SLC4A5: variants seen among roughly 807,000 people sequenced by gnomAD.
SLC4A5 encodes the protein electrogenic sodium bicarbonate cotransporter 4.
A neutral mutation model predicts 120.4 loss-of-function variants in SLC4A5; 96 were observed. That is an observed-to-expected ratio of 0.80 (90% CI 0.68 to 0.94). The LOEUF is 0.94. Ranked by LOEUF, SLC4A5 falls within the 40% of genes least tolerant of loss-of-function variation. SLC4A5 has a pLI of 0.00. For missense variants in SLC4A5, 1,259 were observed against 1,459.5 expected (o/e 0.86, Z 2.24); for synonymous variants, 550 against 571.1 (o/e 0.96, Z 0.53).
At chr2:74,295,037 C>T (rs1158047114) in intron 7 of SLC4A5, among the ~76,000 whole-genome samples, 2 of 152,050 alleles carry the variant, frequency 1.3e-5, no homozygotes, top group Non-Finnish European at 2.9e-5. Flanking sequence ...TAGTTCAACA[C>T]ATTATGAGTC....
At chr2:74,233,485 G>A in exon 23 of SLC4A5, 1 of 1,614,230 alleles carries the variant, frequency 6.2e-7, no homozygotes, top group Non-Finnish European at 8.5e-7. Flanking sequence ...AGCAGGGCGG[G>A]CAGGATGCTT....
At chr2:74,237,255 C>A (rs529595283) in intron 21 of SLC4A5, among the ~76,000 whole-genome samples, 1 of 152,118 alleles carries the variant, frequency 6.6e-6, no homozygotes, top group East Asian at 1.9e-4. Context: ...GGATTACAGG[C>A]GTGAGCCACT....
chr2:74,234,717 T>G (rs1318526370), intron 22 of SLC4A5, among the ~76,000 whole-genome samples: 1 of 152,208 alleles, frequency 6.6e-6, no homozygotes, highest in Non-Finnish European at 1.5e-5. Context: ...GATATTGGTC[T>G]GAGGACCACA....
chr2:74,298,490 G>C (rs1672392697), intron 7 of SLC4A5, among the ~76,000 whole-genome samples: 1 of 152,184 alleles, frequency 6.6e-6, no homozygotes, highest in South Asian at 2.1e-4. Flanking sequence ...CAGGAGAAAA[G>C]TTGTTTAACA....
At chr2:74,337,284 A>G (rs3771741) in intron 3 of SLC4A5, among the ~76,000 whole-genome samples, 18,884 of 152,078 alleles carry the variant, frequency 0.12, 1,566 homozygotes, top group East Asian at 0.47. Context: ...AGGTGGAGAG[A>G]GACTTTGACC....
At chr2:74,233,324 G>T in intron 23 of SLC4A5, 78 bp downstream of exon 23, 1 of 1,525,098 alleles carries the variant, frequency 6.6e-7, no homozygotes, top group Non-Finnish European at 9.1e-7. Context: ...ACTGAAAGAA[G>T]CATCATGTCC....
chr2:74,270,671 TCAAAACAAAA>T (rs573269084), intron 8 of SLC4A5, among the ~76,000 whole-genome samples: 1 of 152,102 alleles, frequency 6.6e-6, no homozygotes, highest in Non-Finnish European at 1.5e-5. Context: ...AGACTCCGTC[TCAAAACAAAA>T]CAAAACAAAA....
chr2:74,291,574 T>C (rs567508945), intron 7 of SLC4A5, among the ~76,000 whole-genome samples: 1 of 152,214 alleles, frequency 6.6e-6, no homozygotes, highest in Non-Finnish European at 1.5e-5. Context: ...CACTGCCCCA[T>C]TGAGGCTGGC....
chr2:74,320,476 C>T (rs943570760), intron 5 of SLC4A5, among the ~76,000 whole-genome samples: 2 of 152,146 alleles, frequency 1.3e-5, no homozygotes, highest in Non-Finnish European at 2.9e-5. Context: ...ACAGTGGAAG[C>T]TACAAGACAA....
chr2:74,231,378 C>T, intron 24 of SLC4A5, 70 bp from the exon 25 acceptor site: 8 of 1,389,104 alleles, frequency 5.8e-6, no homozygotes, highest in Non-Finnish European at 8.0e-6. Context: ...CCTCCTGCCC[C>T]TCTGTGGGCA....
chr2:74,335,194 T>G (rs1003009580), intron 3 of SLC4A5, among the ~76,000 whole-genome samples: 4 of 152,214 alleles, frequency 2.6e-5, no homozygotes, highest in African/African-American at 9.6e-5. Flanking sequence ...TCATGTGATC[T>G]CCTGCTCTTA....
In SLC4A5 at chr2:74,282,634, G is replaced by A. The variant is rs1671849211; in HGVS notation, c.401+3139C>T. Among the ~76,000 whole-genome samples the A allele has an allele frequency of 2.0e-5, 3 of 152,210 alleles. No homozygotes were observed. In the South Asian group the frequency reaches 6.2e-4, roughly 32 times the overall value. On this transcript the variant is annotated intron_variant, in intron 8 of 30. Coordinates refer to ENST00000394019, the Ensembl canonical transcript of SLC4A5. ...CTTCACTGGGTCTGGAGTGCAGAGG[G>A]CTTTGTGAATCCACACTCTGAGAGA...
At chr2:74,259,393 G>A (rs962919252) in intron 12 of SLC4A5, among the ~76,000 whole-genome samples, 195 bp downstream of exon 12, 1 of 152,160 alleles carries the variant, frequency 6.6e-6, no homozygotes, top group African/African-American at 2.4e-5. Context: ...GCCAGCACCT[G>A]GGACTCCGTC....
chr2:74,224,911 C>A lies in SLC4A5; in HGVS notation c.3175G>T (p.Glu1059Ter). Residue 1059 changes from glutamate (E) to a stop codon, truncating the protein, a stop_gained, in exon 28 of 31, where the codon GAG (glutamate) becomes TAG (stop). Transcript: ENST00000394019. LOFTEE classifies it high-confidence loss of function. ...TTGTCTGTCTCCTTTTTTTCCTTCT[C>A]TGGGAGGATGTTGTCAATCCAGGCC... The A allele has an allele frequency of 6.2e-7, 1 of 1,613,532 alleles. No individual in the cohort carries two copies. Among genetic ancestry groups the A allele is most frequent in the Non-Finnish European group, 8.5e-7 (1 of 1,179,844 alleles).
At position 74,246,334 on chromosome 2, in the gene SLC4A5, C is replaced by T. The variant is rs566553038; in HGVS notation, c.2059+702G>A. ...GGCCGAGAACTCCCATGGTGGTTAA[C>T]GCCCACCATTGTAGGTTCTTTCCTA... is the stretch of plus-strand genomic sequence containing the variant. On this transcript the variant is annotated intron_variant, in intron 19 of 30. Transcript: ENST00000394019. 3.9e-4 allele frequency among the ~76,000 whole-genome samples: 59 copies of T among 152,316 alleles called. 2 individuals are homozygous for T. The highest frequency in any genetic ancestry group is 3.5e-3 in the Admixed American group (54 of 15,310).
chr2:74,301,497 C>A (rs924893445), intron 7 of SLC4A5, among the ~76,000 whole-genome samples: 1 of 152,186 alleles, frequency 6.6e-6, no homozygotes, highest in Non-Finnish European at 1.5e-5. Flanking sequence ...CCAGCTGGGC[C>A]CCCTGCCTAG....
intron 2 of SLC4A5, chr2:74,339,119 GATTTTAAAA>G (rs879834920): frequency 3.3e-5 from 5 of 152,156 alleles, no homozygotes; most frequent in Non-Finnish European, 5.9e-5. Flanking sequence ...ATAAAGGACT[GATTTTAAAA>G]AAGAAAGAAA....
At chr2:74,257,342 C>G (rs1341597064) in intron 12 of SLC4A5, among the ~76,000 whole-genome samples, 1 of 152,108 alleles carries the variant, frequency 6.6e-6, no homozygotes, top group Non-Finnish European at 1.5e-5. Context: ...ACAGGAACAC[C>G]GGAGTCCCCA....
chr2:74,281,256 G>C (rs900896372), intron 8 of SLC4A5, among the ~76,000 whole-genome samples: 1 of 152,208 alleles, frequency 6.6e-6, no homozygotes, highest in African/African-American at 2.4e-5. Context: ...AAGCAGCTTG[G>C]ATTTGGAATT....
Sources: gnomAD v4.1 joint callset for allele counts (sites outside exome capture counted in the v4.1 genomes callset) on GRCh38, gnomAD v4.1.1 for gene constraint, MANE v1.5 for transcripts, NCBI Gene and HGNC (gene_info 2026-07-23, HGNC 2026-07-21) for gene names.